LNPEP: variants seen among roughly 807,000 people sequenced by gnomAD.
The protein encoded by LNPEP is leucyl and cystinyl aminopeptidase, also known as leucyl-cystinyl aminopeptidase.
A neutral mutation model predicts 120.6 loss-of-function variants in LNPEP; 64 were observed. That is an observed-to-expected ratio of 0.53 (90% confidence interval 0.43 to 0.65). The LOEUF (loss-of-function observed/expected upper bound fraction) is 0.65, where lower values mean the gene tolerates loss of function less well. Among genes scored for constraint, LNPEP ranks in the 30% least tolerant of loss-of-function variants. The pLI, the probability that LNPEP is intolerant of heterozygous loss-of-function variation, is 0.00. For synonymous variants in LNPEP, 435 were observed against 425.4 expected, an observed-to-expected ratio of 1.02 and a Z score of -0.28; for missense variants, 1,057 against 1,200.0, an observed-to-expected ratio of 0.88 and a Z score of 1.76.
chr5:96,995,398 A>T (rs1195449043), intron 6 of LNPEP, among the ~76,000 whole-genome samples: 1 of 152,156 alleles, frequency 6.6e-6, no homozygotes, highest in African/African-American at 2.4e-5. Context: ...TTTCATTTCA[A>T]GGATTTTTTT....
chr5:96,985,823 A>G (rs1790229816), intron 3 of LNPEP, among the ~76,000 whole-genome samples: 1 of 150,290 alleles, frequency 6.7e-6, no homozygotes, highest in Non-Finnish European at 1.5e-5. Flanking sequence ...TCCTGGACCC[A>G]TGTGGCTAAG....
At chr5:96,953,852 A>G (rs776543566) in intron 1 of LNPEP, among the ~76,000 whole-genome samples, 13 of 152,194 alleles carry the variant, frequency 8.5e-5, no homozygotes, top group Non-Finnish European at 1.2e-4. Context: ...AATATAAGAA[A>G]TGTTTGTGTT....
At chr5:96,998,342 C>T (rs1339113503) in intron 8 of LNPEP, among the ~76,000 whole-genome samples, 197 bp downstream of exon 8, 1 of 151,964 alleles carries the variant, frequency 6.6e-6, no homozygotes, top group Non-Finnish European at 1.5e-5. Flanking sequence ...CTGACTCTAA[C>T]TTAAGTTGTA....
At position 96,954,770 on chromosome 5, in the gene LNPEP, ATATTTTT is replaced by A. The variant is rs1351113951; in HGVS notation, c.19+18598_19+18604del. On this transcript the variant is annotated intron_variant, in intron 1 of 17. Transcript: ENST00000231368. ...TACACATATATATATATATATATATATATTTTTTTTTTTTTTTTTTTTTTTTTTTTGA... is the reference window on the plus strand; with the variant it reads ...TACACATATATATATATATATATATATTTTTTTTTTTTTTTTTTTTTTTGA... Among the ~76,000 whole-genome samples the A allele has an allele frequency of 6.8e-4, 20 of 29,486 alleles. 2 individuals carry two copies. The highest frequency in any genetic ancestry group is 2.4e-3 in the African/African-American group (19 of 7,790). 19.3% of individuals were successfully genotyped at this position (29,486 alleles called of 152,430 possible). A position where few individuals can be genotyped will look rare whatever the true frequency, so the allele number is the denominator to read the frequency against.
chr5:96,978,573 G>A (rs1010151181), intron 1 of LNPEP, among the ~76,000 whole-genome samples: 1 of 152,148 alleles, frequency 6.6e-6, no homozygotes, highest in African/African-American at 2.4e-5. Flanking sequence ...CTCAATCTTA[G>A]AAATGGGCAT....
rs148907519 is a variant in LNPEP at position 96,996,749 on chromosome 5, A to T, written c.1521+246A>T. Among the ~76,000 whole-genome samples the T allele has an allele frequency of 3.1e-3, 465 of 152,184 alleles. 6 individuals carry two copies. Among genetic ancestry groups the T allele is most frequent in the Admixed American group, 0.022 (331 of 15,256 alleles). ...ATTATTTTATATTTTTGTCATTAAGATGAACATTTTAAATTGTTTTGCAAC... is the reference window on the plus strand; with the variant it reads ...ATTATTTTATATTTTTGTCATTAAGTTGAACATTTTAAATTGTTTTGCAAC... On this transcript the variant is annotated intron_variant, in intron 7 of 17. Coordinates refer to ENST00000231368, the MANE Select transcript of LNPEP (RefSeq NM_005575.3).
intron 1 of LNPEP, among the ~76,000 whole-genome samples, chr5:96,972,871 C>G (rs1261404863): frequency 6.6e-6 from 1 of 152,016 alleles, no homozygotes; most frequent in Admixed American, 6.6e-5. Flanking sequence ...TTTCTCTTCA[C>G]AAGGGAGACA....
Position 96,978,184 on chromosome 5 carries a change from C to T in LNPEP, c.20-954C>T, listed in dbSNP as rs528217700. 2.0e-4 allele frequency among the ~76,000 whole-genome samples: 31 copies of T among 152,018 alleles called. No homozygotes were observed. The South Asian group carries it at 5.0e-3, about 24-fold the overall frequency. Reference sequence around the variant, plus strand: ...TGAATTTTAAATAAAAAACATTGAACGATCTAATCCTAGGAAGTACTGATA... The same window carrying T: ...TGAATTTTAAATAAAAAACATTGAATGATCTAATCCTAGGAAGTACTGATA... On this transcript the variant is annotated intron_variant, in intron 1 of 17. Coordinates refer to ENST00000231368, the MANE Select transcript of LNPEP (RefSeq NM_005575.3).
At chr5:96,975,056 G>A (rs951802246) in intron 1 of LNPEP, among the ~76,000 whole-genome samples, 2 of 152,042 alleles carry the variant, frequency 1.3e-5, no homozygotes, top group Non-Finnish European at 2.9e-5. Flanking sequence ...CTAAACCCAC[G>A]TAACATAATC....
At chr5:97,014,384 G>A (rs27290) in intron 12 of LNPEP, among the ~76,000 whole-genome samples, 90,093 of 151,928 alleles carry the variant, frequency 0.59, 26,776 homozygotes, top group Middle Eastern at 0.7. Context: ...ATCTCCCTGG[G>A]CATTTCCATT....
chr5:96,958,481 G>A, intron 1 of LNPEP: 1 of 984,740 alleles, frequency 1.0e-6, no homozygotes, highest in Non-Finnish European at 1.2e-6. Context: ...CAGAAGTGGA[G>A]CCGTACAGCC....
intron 1 of LNPEP, among the ~76,000 whole-genome samples, chr5:96,972,738 G>A (rs1157048079): frequency 1.3e-5 from 2 of 152,054 alleles, no homozygotes; most frequent in Non-Finnish European, 2.9e-5. Context: ...GTTTATGAGA[G>A]GAATGATAAT....
intron 1 of LNPEP, chr5:96,937,554 T>C (rs971900871): frequency 6.6e-6 from 1 of 152,236 alleles, no homozygotes. Flanking sequence ...ATATGTTTAA[T>C]ACAAGTCGTT....
At chr5:97,011,749 C>T (rs1002674736) in intron 11 of LNPEP, among the ~76,000 whole-genome samples, 1 of 152,194 alleles carries the variant, frequency 6.6e-6, no homozygotes, top group African/African-American at 2.4e-5. Flanking sequence ...CTGATCTTTC[C>T]CATCTGTTGC....
intron 4 of LNPEP, among the ~76,000 whole-genome samples, chr5:96,991,845 A>ATT (rs1160962): frequency 0.59 from 89,876 of 151,838 alleles, 26,662 homozygotes; most frequent in Middle Eastern, 0.7. Flanking sequence ...TTTTAAAATC[A>ATT]TAATGAGAAA....
At chr5:97,027,093 C>A (rs999280137) in intron 16 of LNPEP, among the ~76,000 whole-genome samples, 9 of 152,144 alleles carry the variant, frequency 5.9e-5, no homozygotes, top group African/African-American at 2.2e-4. Context: ...GTGGCTCACA[C>A]CTTTAATCCC....
At chr5:96,986,337 G>A (rs1204227406) in intron 3 of LNPEP, among the ~76,000 whole-genome samples, 1 of 152,182 alleles carries the variant, frequency 6.6e-6, no homozygotes, top group East Asian at 1.9e-4. Flanking sequence ...GTTTCACTGT[G>A]CTCCATATGT....
intron 6 of LNPEP, among the ~76,000 whole-genome samples, chr5:96,995,311 A>G (rs901688436): frequency 1.3e-5 from 2 of 152,196 alleles, no homozygotes; most frequent in African/African-American, 4.8e-5. Context: ...TGTTTTATGC[A>G]GTAACCTCGT....
At chr5:97,010,078 C>T (rs1049594035) in intron 11 of LNPEP, among the ~76,000 whole-genome samples, 1 of 152,120 alleles carries the variant, frequency 6.6e-6, no homozygotes, top group Non-Finnish European at 1.5e-5. Flanking sequence ...TTCTCACATA[C>T]ATGAGTTTTG....
Sources: gnomAD v4.1 joint callset for allele counts (sites outside exome capture counted in the v4.1 genomes callset) on GRCh38, gnomAD v4.1.1 for gene constraint, MANE v1.5 for transcripts, NCBI Gene and HGNC (gene_info 2026-07-23, HGNC 2026-07-21) for gene names.